UTP18: variants seen among roughly 807,000 people sequenced by gnomAD.
The protein encoded by UTP18 is UTP18 small subunit processome component.
A neutral mutation model predicts 61.1 loss-of-function variants in UTP18; 36 were observed. The observed-to-expected ratio is 0.59, with a 90% confidence interval of 0.45 to 0.78. The LOEUF is 0.78. UTP18 is among the 30% of genes least tolerant of loss of function. The pLI, the probability that UTP18 is intolerant of heterozygous loss-of-function variation, is 0.00. For synonymous variants in UTP18, 282 were observed against 251.1 expected (o/e 1.12, Z -1.16); for missense variants, 753 against 693.9 (o/e 1.09, Z -0.96).
chr17:51,260,991 T>C, intron 1 of UTP18, 65 bp downstream of exon 1: 4 of 1,342,086 alleles, frequency 3.0e-6, no homozygotes, highest in Non-Finnish European at 3.8e-6. Context: ...GCGGTGAAGC[T>C]CCGGGGGGCG....
intron 11 of UTP18, chr17:51,288,576 T>G (rs1019826427): frequency 2.2e-6 from 1 of 457,380 alleles, no homozygotes; most frequent in Non-Finnish European, 4.4e-6. Context: ...ACGGAGGCAA[T>G]TCTCGGGTTT....
At position 51,269,367 on chromosome 17, in the gene UTP18, C is replaced by T. The variant is rs370504798; in HGVS notation, c.622+463C>T. On this transcript the variant is annotated intron_variant, in intron 4 of 13. Coordinates refer to ENST00000225298, the MANE Select transcript of UTP18 (RefSeq NM_016001.3). ...TTTTGACTGTAGGTTTTAAATTTAA[C>T]TTGTACCATGGCTATTTTCTGCTTC... 3.6e-5 allele frequency among the ~76,000 whole-genome samples: 5 copies of T among 138,284 alleles called. No individual in the cohort carries two copies. The East Asian group carries it at 6.7e-4, about 19-fold the overall frequency. 90.7% of individuals were successfully genotyped at this position (138,284 alleles called of 152,430 possible). A position where few individuals can be genotyped will look rare whatever the true frequency, so the allele number is the denominator to read the frequency against.
intron 5 of UTP18, 77 bp from the exon 6 acceptor site, chr17:51,275,789 T>C (rs1023482035): frequency 8.2e-6 from 11 of 1,334,934 alleles, no homozygotes; most frequent in Middle Eastern, 2.0e-4. Flanking sequence ...TAAACTGTAA[T>C]GTCTTTTCTT....
chr17:51,284,597 GTTTTGCTTCAGAT>G (rs932756758), intron 9 of UTP18, among the ~76,000 whole-genome samples: 3 of 152,086 alleles, frequency 2.0e-5, no homozygotes, highest in African/African-American at 7.2e-5. Context: ...GTGGTGTTTT[GTTTTGCTTCAGAT>G]TTTTGCTTCA....
At chr17:51,284,848 G>A (rs556765813) in intron 9 of UTP18, among the ~76,000 whole-genome samples, 1 of 152,214 alleles carries the variant, frequency 6.6e-6, no homozygotes, top group South Asian at 2.1e-4. Context: ...ATCACCTGAG[G>A]TCAAGAGTTC....
chr17:51,266,124 C>T (rs2144395092), intron 2 of UTP18, 58 bp from the exon 3 acceptor site: 2 of 1,308,610 alleles, frequency 1.5e-6, no homozygotes, highest in Non-Finnish European at 2.0e-6. Flanking sequence ...CTAAAAGCAG[C>T]AGCTATTTAT....
intron 10 of UTP18, among the ~76,000 whole-genome samples, chr17:51,287,354 A>G (rs1166823297): frequency 6.6e-6 from 1 of 152,194 alleles, no homozygotes; most frequent in Admixed American, 6.5e-5. Context: ...GGACAGGGAG[A>G]TGAGCCTTGA....
rs1261135140 is a variant in UTP18, at chr17:51,273,466, G to A, written c.711+16G>A. 1.9e-6 allele frequency: 3 copies of A among 1,595,002 alleles called. No homozygotes were observed. Among genetic ancestry groups the A allele is most frequent in the Admixed American group, 3.4e-5 (2 of 58,018 alleles). On this transcript the variant is annotated intron_variant, in intron 5 of 13. Coordinates refer to ENST00000225298, the MANE Select transcript of UTP18 (RefSeq NM_016001.3). ...AATCTTGAAGGTGAGAGTCAGTGAA[G>A]TTGGGGGATCCTATCTAACTACTTA...
chr17:51,260,904 T>C lies in UTP18; in HGVS notation c.320T>C (p.Leu107Pro), dbSNP rs747840629. The C allele has an allele frequency of 1.9e-6, 3 of 1,590,704 alleles. No individual in the cohort carries two copies. Among genetic ancestry groups the C allele is most frequent in the African/African-American group, 1.4e-5 (1 of 73,730 alleles). Residue 107 changes from leucine to proline, a missense_variant, in exon 1 of 14, where the codon CTG becomes CCG. By Grantham distance (98) the Leu-to-Pro change is moderately conservative. Transcript: ENST00000225298. The part of the protein sequence containing the change: ...GDVENDEDAL[L>P]RRLRGPRVQE... The stretch of plus-strand genomic sequence containing the variant: ...GTCGAGAACGACGAGGACGCGTTGC[T>C]GCGGCGTCTGCGAGGCCCGAGGGTG...
chr17:51,273,552 T>G (rs1567700907), intron 5 of UTP18, 102 bp downstream of exon 5: 21 of 772,956 alleles, frequency 2.7e-5, no homozygotes, highest in Non-Finnish European at 4.0e-5. Context: ...TCTGTGGGGT[T>G]AAATATGTTT....
chr17:51,280,714 G>T (rs558077857), intron 9 of UTP18, among the ~76,000 whole-genome samples: 1 of 152,242 alleles, frequency 6.6e-6, no homozygotes, highest in African/African-American at 2.4e-5. Context: ...TTGAGAGGCT[G>T]AGGTGAGAGA....
chr17:51,275,438 C>A (rs139916864), intron 5 of UTP18, among the ~76,000 whole-genome samples: 2 of 152,276 alleles, frequency 1.3e-5, no homozygotes, highest in African/African-American at 4.8e-5. Flanking sequence ...GACAACTGTG[C>A]AGTGCCTCTT....
chr17:51,285,123 G>A (rs755717432), intron 9 of UTP18, 122 bp from the exon 10 acceptor site: 19 of 987,306 alleles, frequency 1.9e-5, no homozygotes, highest in Non-Finnish European at 2.7e-5. Flanking sequence ...GAACTAGGAG[G>A]GTTATAATAG....
chr17:51,293,532 CGTTAGT>C (rs1322627426), intron 11 of UTP18, among the ~76,000 whole-genome samples: 1 of 148,798 alleles, frequency 6.7e-6, no homozygotes, highest in Non-Finnish European at 1.5e-5. Context: ...CATCACCTGT[CGTTAGT>C]GTTAGTGTAT....
At position 51,275,896 on chromosome 17, in the gene UTP18, C is replaced by T. The variant is rs751792481; in HGVS notation, c.742C>T (p.Arg248Cys). ...MKNCQHANAE[R>C]PTVARISSVQ... ...GAACTGCCAGCATGCGAATGCTGAA[C>T]GTCCTACTGTTGCTCGGATCTCATC... Residue 248 changes from arginine (R) to cysteine (C), a missense_variant, in exon 6 of 14, where the codon CGT becomes TGT. By Grantham distance (180) the Arg-to-Cys change is radical. Transcript: ENST00000225298. 8 of 1,607,312 alleles carry T rather than the reference C, an allele frequency of 5.0e-6. No individual in the cohort carries two copies. Among genetic ancestry groups the T allele is most frequent in the African/African-American group, 2.7e-5 (2 of 74,470 alleles).
intron 1 of UTP18, among the ~76,000 whole-genome samples, chr17:51,262,054 A>G (rs190846467): frequency 2.0e-5 from 3 of 152,086 alleles, no homozygotes; most frequent in Non-Finnish European, 4.4e-5. Flanking sequence ...GGGAAGCTCA[A>G]ACTCACTTCA....
chr17:51,292,503 T>G (rs1231083248), intron 11 of UTP18, among the ~76,000 whole-genome samples: 4 of 152,238 alleles, frequency 2.6e-5, no homozygotes, highest in Non-Finnish European at 4.4e-5. Flanking sequence ...TGAAACCAGT[T>G]TAATAGGTGT....
At chr17:51,288,280 A>T (rs1262349316) in intron 11 of UTP18, 77 bp downstream of exon 11, 3 of 1,347,838 alleles carry the variant, frequency 2.2e-6, no homozygotes, top group Non-Finnish European at 3.0e-6. Flanking sequence ...ACAGGAAAGG[A>T]GAGCGTTGAA....
At chr17:51,282,981 G>C (rs1904994127) in intron 9 of UTP18, among the ~76,000 whole-genome samples, 1 of 148,398 alleles carries the variant, frequency 6.7e-6, no homozygotes, top group Non-Finnish European at 1.5e-5. Flanking sequence ...CAATTCTCCT[G>C]CCTCAGCCTC....
Sources: gnomAD v4.1 joint callset for allele counts (sites outside exome capture counted in the v4.1 genomes callset) on GRCh38, gnomAD v4.1.1 for gene constraint, MANE v1.5 for transcripts, NCBI Gene and HGNC (gene_info 2026-07-23, HGNC 2026-07-21) for gene names.